Variants in ROBO2 observed in about 807,000 individuals in gnomAD.
ROBO2 encodes the protein roundabout guidance receptor 2.
In ROBO2, 53 loss-of-function variants were observed where a neutral mutation model predicts 160.8. The ratio of observed to expected loss-of-function variants is 0.33; its 90% CI spans 0.26 to 0.41. ROBO2 has a LOEUF of 0.41. Ranked by LOEUF, ROBO2 falls within the 10% of genes least tolerant of loss-of-function variation. ROBO2 has a pLI of 1.00. For synonymous variants in ROBO2, 664 were observed against 611.7 expected (o/e 1.09, Z -1.26); for missense variants, 1,577 against 1,722.4 (o/e 0.92, Z 1.49).
Position 77,481,084 on chromosome 3 carries a change from G to A in ROBO2, c.547-15G>A, listed in dbSNP as rs772843473. On this transcript the variant is annotated splice_polypyrimidine_tract_variant and intron_variant, in intron 3 of 25. Coordinates refer to ENST00000461745, the Ensembl canonical transcript of ROBO2. ...TTTTCTTCCCTTCTCTTTTCTTTTTGTTTGATTTTAACAGATCCGTGGTGG... is the reference window on the plus strand; with the variant it reads ...TTTTCTTCCCTTCTCTTTTCTTTTTATTTGATTTTAACAGATCCGTGGTGG... 1 of 1,605,638 alleles carries A rather than the reference G, an allele frequency of 6.2e-7. No individual in the cohort carries two copies.
chr3:77,158,521 T>C (rs1369736161), intron 2 of ROBO2, among the ~76,000 whole-genome samples: 2 of 152,106 alleles, frequency 1.3e-5, no homozygotes, highest in Non-Finnish European at 2.9e-5. Context: ...TAAAAATGAA[T>C]ATTATTACTG....
chr3:77,494,288 A>T lies in ROBO2; in HGVS notation c.806+906A>T, dbSNP rs924643093. On this transcript the variant is annotated intron_variant, in intron 5 of 25. Transcript: ENST00000461745. The stretch of plus-strand genomic sequence containing the variant: ...CTAATTTTTCTTTTTTTTAAAAAAA[A>T]TTTTTTGGCTGGGCACGATGGCTGA... Among the ~76,000 whole-genome samples the T allele has an allele frequency of 5.9e-5, 9 of 151,930 alleles. No homozygotes were observed. In the South Asian group the frequency reaches 8.3e-4, roughly 14 times the overall value.
At chr3:77,155,941 C>G (rs2077970221) in intron 2 of ROBO2, among the ~76,000 whole-genome samples, 1 of 151,936 alleles carries the variant, frequency 6.6e-6, no homozygotes, top group Non-Finnish European at 1.5e-5. Context: ...CTCAGTTAAA[C>G]ATTTTAGAGC....
chr3:76,796,643 A>G (rs1293214291), intron 2 of ROBO2, among the ~76,000 whole-genome samples: 1 of 152,118 alleles, frequency 6.6e-6, no homozygotes, highest in African/African-American at 2.4e-5. Flanking sequence ...CTCTCCAATC[A>G]AAAGACATAC....
chr3:76,042,126 C>A (rs2067293764), intron 2 of ROBO2, among the ~76,000 whole-genome samples: 1 of 151,578 alleles, frequency 6.6e-6, no homozygotes, highest in Admixed American at 6.6e-5. Context: ...CATTCTGCAT[C>A]TTTGAGAAAG....
In ROBO2 at chr3:77,588,949, C is replaced by A; in HGVS notation, c.2683+16C>A. 1 of 1,612,296 alleles carries A rather than the reference C, an allele frequency of 6.2e-7. No individual in the cohort carries two copies. Among genetic ancestry groups the A allele is most frequent in the Non-Finnish European group, 8.5e-7 (1 of 1,178,632 alleles). On this transcript the variant is annotated intron_variant, in intron 17 of 25. Coordinates refer to ENST00000461745, the Ensembl canonical transcript of ROBO2. Reference sequence around the variant, plus strand: ...AATTATGCTGGTAAGTGACTATTTCCAGCTAAGAAAATCTCTTGTCTGTAG... The same window carrying A: ...AATTATGCTGGTAAGTGACTATTTCAAGCTAAGAAAATCTCTTGTCTGTAG...
At chr3:76,126,065 C>T (rs1037474946) in intron 2 of ROBO2, among the ~76,000 whole-genome samples, 1 of 152,076 alleles carries the variant, frequency 6.6e-6, no homozygotes, top group African/African-American at 2.4e-5. Flanking sequence ...CCACCCTCCT[C>T]GGCCTCCCAA....
chr3:77,416,936 A>G (rs1337119555), intron 2 of ROBO2, among the ~76,000 whole-genome samples: 1 of 152,126 alleles, frequency 6.6e-6, no homozygotes, highest in East Asian at 1.9e-4. Flanking sequence ...ATTGCCGAGG[A>G]TGAGACAGAT....
At chr3:76,621,355 ACATTC>A (rs2089065524) in intron 2 of ROBO2, among the ~76,000 whole-genome samples, 1 of 152,230 alleles carries the variant, frequency 6.6e-6, no homozygotes, top group Admixed American at 6.5e-5. Context: ...AGAAGGCTAT[ACATTC>A]AGTGCATAAC....
chr3:76,828,079 T>C (rs1186278279), intron 2 of ROBO2, among the ~76,000 whole-genome samples: 2 of 152,184 alleles, frequency 1.3e-5, no homozygotes, highest in African/African-American at 4.8e-5. Flanking sequence ...TAAAGTTATG[T>C]CATTAGACAT....
At chr3:76,376,712 T>A (rs1299793393) in intron 2 of ROBO2, among the ~76,000 whole-genome samples, 1 of 152,010 alleles carries the variant, frequency 6.6e-6, no homozygotes, top group Non-Finnish European at 1.5e-5. Flanking sequence ...TAATTTGGGG[T>A]CTGGGGAAAG....
chr3:76,713,352 A>T (rs1417480016), intron 2 of ROBO2, among the ~76,000 whole-genome samples: 1 of 152,146 alleles, frequency 6.6e-6, no homozygotes, highest in Non-Finnish European at 1.5e-5. Flanking sequence ...TTAATCAGTG[A>T]TTCCCATACA....
chr3:77,495,037 C>T (rs975153899), intron 5 of ROBO2, among the ~76,000 whole-genome samples: 1 of 152,252 alleles, frequency 6.6e-6, no homozygotes, highest in East Asian at 1.9e-4. Flanking sequence ...ATTGGAGAAG[C>T]AGGTTAGAAA....
At chr3:76,662,387 T>A (rs13078135) in intron 2 of ROBO2, among the ~76,000 whole-genome samples, 6 of 152,124 alleles carry the variant, frequency 3.9e-5, no homozygotes, top group Non-Finnish European at 7.3e-5. Context: ...GGGGTACATA[T>A]GATATTTTGA....
intron 2 of ROBO2, among the ~76,000 whole-genome samples, chr3:77,237,134 A>G (rs927324003): frequency 9.3e-5 from 14 of 151,164 alleles, no homozygotes; most frequent in Non-Finnish European, 1.8e-4. Context: ...TAGACTCCCA[A>G]AGTGCTGGGC....
chr3:77,136,479 C>CT (rs59688881), intron 2 of ROBO2, among the ~76,000 whole-genome samples: 1,506 of 67,922 alleles, frequency 0.022, 54 homozygotes, highest in Non-Finnish European at 0.026. Context: ...ATAAAATATG[C>CT]TTTTTTTTTT....
chr3:77,156,566 A>G (rs1579465700), intron 2 of ROBO2, among the ~76,000 whole-genome samples: 1 of 152,050 alleles, frequency 6.6e-6, no homozygotes, highest in East Asian at 1.9e-4. Flanking sequence ...GTGAGAAATG[A>G]TCAGTTTTCT....
chr3:76,008,246 A>G (rs1179423944), intron 2 of ROBO2, among the ~76,000 whole-genome samples: 11 of 151,522 alleles, frequency 7.3e-5, no homozygotes, highest in Admixed American at 7.2e-4. Flanking sequence ...AAAAAAAAAA[A>G]AAAAAAAAGA....
intron 2 of ROBO2, among the ~76,000 whole-genome samples, chr3:76,850,900 G>T (rs181727518): frequency 6.6e-6 from 1 of 152,138 alleles, no homozygotes; most frequent in Non-Finnish European, 1.5e-5. Context: ...TCTGCAACAA[G>T]AACACTTGCC....
Sources: gnomAD v4.1 joint callset for allele counts (sites outside exome capture counted in the v4.1 genomes callset) on GRCh38, gnomAD v4.1.1 for gene constraint, MANE v1.5 for transcripts, NCBI Gene and HGNC (gene_info 2026-07-23, HGNC 2026-07-21) for gene names.